Variants in TWSG1 observed in about 807,000 individuals in gnomAD.
TWSG1 encodes twisted gastrulation protein homolog 1.
TWSG1 carries 15 observed loss-of-function variants against 23.0 expected under a neutral mutation model. The ratio of observed to expected loss-of-function variants is 0.65; its 90% CI spans 0.44 to 1.00. TWSG1 has a LOEUF of 1.00. Among genes scored for constraint, TWSG1 ranks in the 50% least tolerant of loss-of-function variants. The pLI is 0.00. For synonymous variants in TWSG1, 86 were observed against 92.8 expected (o/e 0.93, Z 0.42); for missense variants, 242 against 278.7 (o/e 0.87, Z 0.94).
At chr18:9,350,358 T>C (rs940670314) in intron 2 of TWSG1, among the ~76,000 whole-genome samples, 2 of 152,228 alleles carry the variant, frequency 1.3e-5, no homozygotes, top group Non-Finnish European at 2.9e-5. Flanking sequence ...TTGTTTCACC[T>C]GTTGCATTGT....
At chr18:9,382,823 A>AAAC (rs1405852531) in intron 3 of TWSG1, among the ~76,000 whole-genome samples, 1 of 151,310 alleles carries the variant, frequency 6.6e-6, no homozygotes, top group African/African-American at 2.4e-5. Flanking sequence ...AAAAAAACAA[A>AAAC]AACAAAAAGA....
intron 3 of TWSG1, among the ~76,000 whole-genome samples, chr18:9,369,745 C>T (rs1321622847): frequency 4.6e-5 from 7 of 151,986 alleles, no homozygotes; most frequent in African/African-American, 1.7e-4. Context: ...TGCCCAGGCT[C>T]ATCTCAAGCT....
intron 3 of TWSG1, 29 bp downstream of exon 3, chr18:9,360,100 A>T (rs1199115383): frequency 8.3e-6 from 13 of 1,560,070 alleles, no homozygotes; most frequent in Non-Finnish European, 1.1e-5. Flanking sequence ...AGACTTCTTA[A>T]TATTTCTTAT....
intron 1 of TWSG1, among the ~76,000 whole-genome samples, chr18:9,335,440 G>A (rs1020022418): frequency 5.9e-5 from 9 of 152,342 alleles, no homozygotes; most frequent in African/African-American, 1.9e-4. Flanking sequence ...ATTTCGACAT[G>A]GTCGTAGTTA....
chr18:9,377,472 G>A (rs1274533699), intron 3 of TWSG1, among the ~76,000 whole-genome samples: 1 of 152,116 alleles, frequency 6.6e-6, no homozygotes, highest in Non-Finnish European at 1.5e-5. Context: ...GCCCGCCTTG[G>A]CCTCCCAAAG....
intron 3 of TWSG1, among the ~76,000 whole-genome samples, chr18:9,389,323 T>G (rs1201035432): frequency 2.0e-5 from 3 of 152,194 alleles, no homozygotes; most frequent in Non-Finnish European, 4.4e-5. Context: ...TATGTATAGT[T>G]GTATAATATG....
intron 2 of TWSG1, among the ~76,000 whole-genome samples, chr18:9,358,183 C>T (rs751040480): frequency 2.6e-5 from 4 of 152,010 alleles, no homozygotes; most frequent in Non-Finnish European, 1.5e-5. Flanking sequence ...GTCTTCCCTC[C>T]CTTCTCTTCT....
rs776516950 is a variant in TWSG1, at chr18:9,337,334, G to A, written c.105G>A (p.Val35=). Residue 35 remains valine, a synonymous_variant, in exon 2 of 5, where the codon GTG becomes GTA. Coordinates refer to ENST00000262120, the MANE Select transcript of TWSG1 (RefSeq NM_020648.6). ...SCNKALCASD[V]SKCLIQELCQ... ...ACAAAGCACTCTGTGCTAGTGATGTGAGCAAATGCCTCATTCAGGTAGGAC... is the reference window on the plus strand; with the variant it reads ...ACAAAGCACTCTGTGCTAGTGATGTAAGCAAATGCCTCATTCAGGTAGGAC... The A allele has an allele frequency of 1.2e-6, 2 of 1,613,414 alleles. No individual in the cohort carries two copies. Among genetic ancestry groups the A allele is most frequent in the Non-Finnish European group, 1.7e-6 (2 of 1,179,974 alleles).
At chr18:9,365,004 G>A (rs985144437) in intron 3 of TWSG1, among the ~76,000 whole-genome samples, 7 of 152,080 alleles carry the variant, frequency 4.6e-5, no homozygotes, top group Admixed American at 2.6e-4. Flanking sequence ...TGTAACTTTT[G>A]ATTCATGTTT....
rs1325320793 is a variant in TWSG1, at chr18:9,390,249, C to T, written c.224-6031C>T. On this transcript the variant is annotated intron_variant, in intron 3 of 4. Coordinates refer to ENST00000262120, the MANE Select transcript of TWSG1 (RefSeq NM_020648.6). ...GATCTCGGTTCACTGCAACCTCCGC[C>T]CCTCCAGGTTCACGCCATTCTCCTG... Among the ~76,000 whole-genome samples the T allele has an allele frequency of 9.9e-5, 15 of 152,178 alleles. 1 individual carries two copies. The highest frequency in any genetic ancestry group is 3.3e-4 in the Admixed American group (5 of 15,274).
chr18:9,369,620 G>A (rs1329377708), intron 3 of TWSG1, among the ~76,000 whole-genome samples: 6 of 152,070 alleles, frequency 3.9e-5, no homozygotes. Context: ...TAGGTTGTTT[G>A]AGTTCCTTTT....
At chr18:9,395,705 A>G (rs527367881) in intron 3 of TWSG1, among the ~76,000 whole-genome samples, 80 of 152,278 alleles carry the variant, frequency 5.3e-4, no homozygotes, top group African/African-American at 1.9e-3. Context: ...AGCTGGGGCT[A>G]CAGGCATGCA....
chr18:9,366,481 C>T (rs191880383), intron 3 of TWSG1, among the ~76,000 whole-genome samples: 5 of 152,214 alleles, frequency 3.3e-5, no homozygotes, highest in African/African-American at 1.2e-4. Flanking sequence ...TTCCTTAATC[C>T]TGCTCTTTGT....
At chr18:9,383,775 A>G (rs1298994695) in intron 3 of TWSG1, among the ~76,000 whole-genome samples, 2 of 152,232 alleles carry the variant, frequency 1.3e-5, no homozygotes, top group Non-Finnish European at 2.9e-5. Flanking sequence ...TTTACAAATC[A>G]GTATCATTAA....
rs2040754416 is a variant in TWSG1 at position 9,399,711 on chromosome 18, G to T, written c.*184G>T. On this transcript the variant is annotated 3_prime_UTR_variant, in exon 5 of 5. Coordinates refer to ENST00000262120, the MANE Select transcript of TWSG1 (RefSeq NM_020648.6). ...GTTTAATTATATAACTGTTCTTACT[G>T]ATTTTATTGCCCCCTAGCAATAAGC... is the stretch of plus-strand genomic sequence containing the variant. 1 of 518,618 alleles carries T rather than the reference G, an allele frequency of 1.9e-6. No individual in the cohort carries two copies. Among genetic ancestry groups the T allele is most frequent in the Non-Finnish European group, 3.3e-6 (1 of 307,156 alleles). The allele number at this position is 518,618 out of a possible 1,614,324, so 32.1% of individuals were successfully genotyped here.
intron 2 of TWSG1, among the ~76,000 whole-genome samples, chr18:9,341,408 G>A (rs1262290192): frequency 6.6e-6 from 1 of 152,104 alleles, no homozygotes; most frequent in Non-Finnish European, 1.5e-5. Flanking sequence ...GTGAAAAATT[G>A]AATCTCTTGA....
chr18:9,390,806 G>A (rs1222322569), intron 3 of TWSG1, among the ~76,000 whole-genome samples: 1 of 152,334 alleles, frequency 6.6e-6, no homozygotes, highest in African/African-American at 2.4e-5. Context: ...CAGGCCAGGA[G>A]TTTGAGACAA....
chr18:9,363,982 T>C (rs2040565488), intron 3 of TWSG1, among the ~76,000 whole-genome samples: 1 of 152,216 alleles, frequency 6.6e-6, no homozygotes, highest in African/African-American at 2.4e-5. Context: ...TACTTAGATT[T>C]CACTGATTGA....
chr18:9,363,749 CCAGGTA>C (rs1298596323), intron 3 of TWSG1, among the ~76,000 whole-genome samples: 2 of 152,066 alleles, frequency 1.3e-5, no homozygotes, highest in Admixed American at 6.5e-5. Context: ...CCTCAGCCTC[CCAGGTA>C]GCTGGGACTA....
Sources: allele counts gnomAD v4.1 joint callset (sites outside exome capture counted in the v4.1 genomes callset), GRCh38; gene constraint gnomAD v4.1.1; transcripts MANE v1.5; gene names NCBI Gene and HGNC (gene_info 2026-07-23, HGNC 2026-07-21).